SHISA6: variants seen among roughly 807,000 people sequenced by gnomAD.
SHISA6 encodes the protein protein shisa-6.
A neutral mutation model predicts 47.9 loss-of-function variants in SHISA6; 22 were observed. That is an observed-to-expected ratio of 0.46 (90% CI 0.33 to 0.66). SHISA6 has a LOEUF of 0.66. SHISA6 is among the 30% of genes least tolerant of loss of function. The pLI is 0.02. For missense variants in SHISA6, 680 were observed against 764.6 expected, an observed-to-expected ratio of 0.89 and a Z score of 1.30; for synonymous variants, 388 against 337.8, an observed-to-expected ratio of 1.15 and a Z score of -1.63.
intron 2 of SHISA6, among the ~76,000 whole-genome samples, chr17:11,309,275 C>A (rs907025231): frequency 1.3e-5 from 2 of 152,232 alleles, no homozygotes; most frequent in Admixed American, 1.3e-4. Context: ...CCACATGAAG[C>A]AAGTGTTTGC....
At chr17:11,508,060 T>TA (rs2142352425) in intron 3 of SHISA6, among the ~76,000 whole-genome samples, 1 of 152,354 alleles carries the variant, frequency 6.6e-6, no homozygotes, top group Admixed American at 6.5e-5. Context: ...CTAAGCCTTC[T>TA]GCTAAAGCAG....
At chr17:11,427,523 A>G (rs1339127180) in intron 3 of SHISA6, among the ~76,000 whole-genome samples, 1 of 152,054 alleles carries the variant, frequency 6.6e-6, no homozygotes, top group East Asian at 1.9e-4. Flanking sequence ...CCAAACCATT[A>G]TACCGACACC....
intron 3 of SHISA6, among the ~76,000 whole-genome samples, chr17:11,430,874 GAC>G (rs1184092534): frequency 6.6e-6 from 1 of 152,174 alleles, no homozygotes; most frequent in Middle Eastern, 3.2e-3. Context: ...AGCCTGTTCT[GAC>G]ACACATAGCA....
At chr17:11,553,469 GTCT>G in intron 4 of SHISA6, among the ~76,000 whole-genome samples, 1 of 152,266 alleles carries the variant, frequency 6.6e-6, no homozygotes, top group Middle Eastern at 3.4e-3. Flanking sequence ...TTCTCTTCCT[GTCT>G]TCTTTTTTCC....
chr17:11,428,943 C>T (rs960676142), intron 3 of SHISA6, among the ~76,000 whole-genome samples: 6 of 151,804 alleles, frequency 4.0e-5, no homozygotes, highest in Non-Finnish European at 5.9e-5. Context: ...CACTACCACG[C>T]CCGGTTAATT....
At chr17:11,524,724 C>G (rs2071661230) in intron 3 of SHISA6, among the ~76,000 whole-genome samples, 1 of 152,140 alleles carries the variant, frequency 6.6e-6, no homozygotes, top group Non-Finnish European at 1.5e-5. Context: ...GTCTCAAACT[C>G]CTGACCTCAG....
chr17:11,514,715 T>C (rs1316352685), intron 3 of SHISA6, among the ~76,000 whole-genome samples: 1 of 152,212 alleles, frequency 6.6e-6, no homozygotes, highest in Non-Finnish European at 1.5e-5. Context: ...CTCTTGGCCC[T>C]TGTGGGATGG....
At chr17:11,301,271 G>C (rs1351106052) in intron 2 of SHISA6, among the ~76,000 whole-genome samples, 1 of 152,162 alleles carries the variant, frequency 6.6e-6, no homozygotes, top group Non-Finnish European at 1.5e-5. Flanking sequence ...TTATCTCCTG[G>C]GTGCGTTGCA....
chr17:11,294,564 G>GT (rs1909675713), intron 2 of SHISA6, among the ~76,000 whole-genome samples: 1 of 152,238 alleles, frequency 6.6e-6, no homozygotes, highest in Admixed American at 6.5e-5. Flanking sequence ...TGCAAAGTTT[G>GT]TTCCCAAATG....
intron 2 of SHISA6, among the ~76,000 whole-genome samples, chr17:11,298,918 G>A (rs1227847213): frequency 2.0e-5 from 3 of 152,226 alleles, no homozygotes; most frequent in African/African-American, 7.2e-5. Flanking sequence ...GTTAGAGGTA[G>A]ATTTGTTCAG....
intron 2 of SHISA6, among the ~76,000 whole-genome samples, chr17:11,352,266 A>G (rs539860101): frequency 5.1e-4 from 77 of 152,270 alleles, no homozygotes; most frequent in Non-Finnish European, 1.0e-3. Context: ...AGGCAAGCAT[A>G]AAATGGAGAT....
intron 2 of SHISA6, among the ~76,000 whole-genome samples, chr17:11,328,289 C>G (rs1401234936): frequency 6.6e-6 from 1 of 152,180 alleles, no homozygotes; most frequent in African/African-American, 2.4e-5. Context: ...GATCCCACCA[C>G]CAGTAAACAG....
chr17:11,241,356 G>A lies in SHISA6; in HGVS notation c.-67G>A. On this transcript the variant is annotated 5_prime_UTR_variant, in exon 1 of 6. Coordinates refer to ENST00000441885, the MANE Select transcript of SHISA6 (RefSeq NM_207386.4). The surrounding 1 kb of genome is among the most constrained non-coding windows in gnomAD (Gnocchi z 5.5). ...GCCCGGCCCGCGCGGCGGGTCCTCC[G>A]AGCCCGGCCCGCCGGGGGAGCGGCC... The A allele has an allele frequency of 2.0e-6, 2 of 978,574 alleles. No individual in the cohort carries two copies. Among genetic ancestry groups the A allele is most frequent in the South Asian group, 4.6e-5 (1 of 21,978 alleles). 60.6% of individuals were successfully genotyped at this position (978,574 alleles called of 1,614,324 possible).
In SHISA6 at chr17:11,560,082, A is replaced by G. The variant is rs2142394921; in HGVS notation, c.*1778A>G. On this transcript the variant is annotated 3_prime_UTR_variant, in exon 6 of 6. Coordinates refer to ENST00000441885, the MANE Select transcript of SHISA6 (RefSeq NM_207386.4). ...AAAGGCGAGTGTAGAAGGAGAATTT[A>G]TTGGTGTCAGCCCTGGAGATTTTTA... is the stretch of plus-strand genomic sequence containing the variant. 1 of 152,286 alleles carries G rather than the reference A, an allele frequency of 6.6e-6. No individual in the cohort carries two copies. Among genetic ancestry groups the G allele is most frequent in the South Asian group, 2.1e-4 (1 of 4,820 alleles). The allele number at this position is 152,286 out of a possible 1,614,324, so 9.4% of individuals were successfully genotyped here. A position where few individuals can be genotyped will look rare whatever the true frequency, so the allele number is the denominator to read the frequency against.
intron 2 of SHISA6, among the ~76,000 whole-genome samples, chr17:11,339,524 CTG>C (rs1911453933): frequency 6.6e-6 from 1 of 151,968 alleles, no homozygotes; most frequent in Non-Finnish European, 1.5e-5. Flanking sequence ...TGAGGGATAA[CTG>C]TGGAAATTAG....
At chr17:11,295,963 C>CA (rs3034195) in intron 2 of SHISA6, among the ~76,000 whole-genome samples, 128 of 91,366 alleles carry the variant, frequency 1.4e-3, no homozygotes, top group Admixed American at 2.6e-3. Context: ...GACTCCATCT[C>CA]AAAAAAAAAA....
chr17:11,480,466 C>T (rs1007702449), intron 3 of SHISA6, among the ~76,000 whole-genome samples: 3 of 152,152 alleles, frequency 2.0e-5, no homozygotes, highest in East Asian at 1.9e-4. Flanking sequence ...TATGCCACCA[C>T]ACCGGACAGC....
chr17:11,311,622 G>A (rs935052209), intron 2 of SHISA6, among the ~76,000 whole-genome samples: 1 of 151,832 alleles, frequency 6.6e-6, no homozygotes, highest in Non-Finnish European at 1.5e-5. Flanking sequence ...AGTGTTTTAT[G>A]TTTTTTAAAT....
intron 3 of SHISA6, among the ~76,000 whole-genome samples, chr17:11,480,853 G>A (rs1916192135): frequency 6.6e-6 from 1 of 152,064 alleles, no homozygotes; most frequent in Non-Finnish European, 1.5e-5. Flanking sequence ...ACTACTTCTG[G>A]GGCTATTTTA....
Sources: allele counts gnomAD v4.1 joint callset (sites outside exome capture counted in the v4.1 genomes callset), GRCh38; gene constraint gnomAD v4.1.1; non-coding constraint Gnocchi (gnomAD v3.1); transcripts MANE v1.5; gene names NCBI Gene and HGNC (gene_info 2026-07-23, HGNC 2026-07-21).